Variants in SYTL3 observed in about 807,000 individuals in gnomAD.
The protein encoded by SYTL3 is synaptotagmin-like protein 3.
SYTL3 carries 88 observed loss-of-function variants against 82.1 expected under a neutral mutation model. The ratio of observed to expected loss-of-function variants is 1.07; its 90% confidence interval spans 0.90 to 1.28. The LOEUF (loss-of-function observed/expected upper bound fraction) is 1.28, where lower values mean the gene tolerates loss of function less well. SYTL3 is among the 50% of genes most tolerant of loss of function. The pLI is 0.00. For synonymous variants in SYTL3, 311 were observed against 289.4 expected, an observed-to-expected ratio of 1.07 and a Z score of -0.76; for missense variants, 831 against 757.6, an observed-to-expected ratio of 1.10 and a Z score of -1.14.
intron 14 of SYTL3, 139 bp downstream of exon 14, chr6:158,757,520 C>T: frequency 1.1e-6 from 1 of 915,042 alleles, no homozygotes; most frequent in Admixed American, 2.7e-5. Flanking sequence ...GGCGCTGTGA[C>T]TTTGAAATAG....
intron 13 of SYTL3, among the ~76,000 whole-genome samples, chr6:158,753,031 C>T (rs1342811396): frequency 6.6e-6 from 1 of 150,758 alleles, no homozygotes; most frequent in Non-Finnish European, 1.5e-5. Flanking sequence ...AATTTGTGTG[C>T]GTAAAATCCC....
intron 5 of SYTL3, among the ~76,000 whole-genome samples, chr6:158,673,218 A>G (rs1777601001): frequency 6.6e-6 from 1 of 151,612 alleles, no homozygotes; most frequent in South Asian, 2.1e-4. Flanking sequence ...GTGAGCCACC[A>G]TGCCCAGTTA....
intron 7 of SYTL3, among the ~76,000 whole-genome samples, chr6:158,707,986 G>C (rs1247237061): frequency 6.6e-6 from 1 of 152,176 alleles, no homozygotes; most frequent in East Asian, 1.9e-4. Context: ...TTTGTGCTAA[G>C]AGAACACGGG....
upstream of SYTL3, among the ~76,000 whole-genome samples, chr6:158,648,651 TC>T (rs1390093678): frequency 2.0e-5 from 3 of 151,712 alleles, no homozygotes; most frequent in Admixed American, 6.6e-5. Flanking sequence ...TCTGCTATAA[TC>T]TGCAGCCCTT....
intron 6 of SYTL3, among the ~76,000 whole-genome samples, chr6:158,687,202 G>T (rs1157832874): frequency 6.6e-6 from 1 of 152,204 alleles, no homozygotes; most frequent in Non-Finnish European, 1.5e-5. Flanking sequence ...TGTCTTCAGT[G>T]GAAGGCTCGC....
At chr6:158,728,696 T>G (rs1363783302) in intron 11 of SYTL3, among the ~76,000 whole-genome samples, 1 of 152,164 alleles carries the variant, frequency 6.6e-6, no homozygotes, top group African/African-American at 2.4e-5. Flanking sequence ...ATCCCAGCAC[T>G]TTGGGAGGCC....
Position 158,693,855 on chromosome 6 carries a change from C to CTTTTTTTTTT in SYTL3, c.394+10875_394+10884dup, listed in dbSNP as rs575358067. Among the ~76,000 whole-genome samples the CTTTTTTTTTT allele has an allele frequency of 4.1e-3, 394 of 96,784 alleles. 32 individuals carry two copies. Among genetic ancestry groups the CTTTTTTTTTT allele is most frequent in the African/African-American group, 0.02 (372 of 18,548 alleles). 63.5% of individuals were successfully genotyped at this position (96,784 alleles called of 152,430 possible). A position where few individuals can be genotyped will look rare whatever the true frequency, so the allele number is the denominator to read the frequency against. On this transcript the variant is annotated intron_variant, in intron 6 of 17. Transcript: ENST00000611299. The stretch of plus-strand genomic sequence containing the variant: ...TGCATCCAGCCTTTCTTTTTCTTTT[C>CTTTTTTTTTT]TTTTTTTTTTTTTTTTTTGTAGATA...
intron 6 of SYTL3, among the ~76,000 whole-genome samples, chr6:158,695,781 G>T (rs1439632840): frequency 1.3e-5 from 2 of 152,076 alleles, no homozygotes; most frequent in African/African-American, 2.4e-5. Context: ...TAATGTATTT[G>T]TTCTTTTGTA....
intron 6 of SYTL3, among the ~76,000 whole-genome samples, chr6:158,702,890 C>T (rs1330101899): frequency 6.6e-6 from 1 of 152,088 alleles, no homozygotes; most frequent in Admixed American, 6.6e-5. Context: ...CACAGTGGCT[C>T]ACGCCTGTAA....
chr6:158,691,914 G>A (rs1779919137), intron 6 of SYTL3, among the ~76,000 whole-genome samples: 1 of 148,304 alleles, frequency 6.7e-6, no homozygotes, highest in Non-Finnish European at 1.5e-5. Context: ...GCCTCCCAAA[G>A]TGCTGGGATT....
intron 10 of SYTL3, among the ~76,000 whole-genome samples, chr6:158,719,972 C>T (rs1469301717): frequency 6.6e-6 from 1 of 152,050 alleles, no homozygotes; most frequent in African/African-American, 2.4e-5. Context: ...GTCTATAATC[C>T]CAGCTACTAG....
In SYTL3 at chr6:158,714,150, C is replaced by T. The variant is rs527862083; in HGVS notation, c.595+272C>T. ...GGTGGATCACTTGAGGTCAGGAGTT[C>T]GAGACCATCTGGCCAACATGGTGAA... On this transcript the variant is annotated intron_variant, in intron 9 of 17. Coordinates refer to ENST00000611299, the MANE Select transcript of SYTL3 (RefSeq NM_001242394.2). 2.8e-4 allele frequency among the ~76,000 whole-genome samples: 42 copies of T among 152,234 alleles called. 1 individual carries two copies. In the South Asian group the frequency reaches 7.5e-3, roughly 27 times the overall value.
intron 2 of SYTL3, among the ~76,000 whole-genome samples, chr6:158,654,686 T>A: frequency 6.6e-6 from 1 of 152,300 alleles, no homozygotes; most frequent in African/African-American, 2.4e-5. Context: ...GATGGCTCCA[T>A]GTCACGGAGG....
chr6:158,752,974 G>A (rs1430995182), intron 13 of SYTL3, among the ~76,000 whole-genome samples: 1 of 151,834 alleles, frequency 6.6e-6, no homozygotes, highest in Non-Finnish European at 1.5e-5. Context: ...GACCTAGAGA[G>A]TCCTTAGAAA....
chr6:158,719,760 T>C (rs1783850351), intron 10 of SYTL3, among the ~76,000 whole-genome samples: 1 of 152,162 alleles, frequency 6.6e-6, no homozygotes, highest in Non-Finnish European at 1.5e-5. Context: ...CACATTTAAT[T>C]CTCACAAAAA....
chr6:158,688,945 CTAA>C (rs1345463572), intron 6 of SYTL3, among the ~76,000 whole-genome samples: 2 of 152,132 alleles, frequency 1.3e-5, no homozygotes, highest in African/African-American at 2.4e-5. Flanking sequence ...CAGTTTTATC[CTAA>C]TGTTTCTTCA....
chr6:158,725,542 G>C lies in SYTL3; in HGVS notation c.760G>C (p.Glu254Gln). 2 of 1,614,144 alleles carry C rather than the reference G, an allele frequency of 1.2e-6. No individual in the cohort carries two copies. Among genetic ancestry groups the C allele is most frequent in the Middle Eastern group, 1.6e-4 (1 of 6,062 alleles). ...APDILKPLNQEDPKCSTNPIL... is the reference protein window; with the variant it reads ...APDILKPLNQQDPKCSTNPIL... ...AGATATTCTGAAACCTCTCAATCAA[G>C]AGGATCCCAAATGCTCTACTAACCC... is the stretch of plus-strand genomic sequence containing the variant. Residue 254 changes from glutamate (E) to glutamine (Q), a missense_variant, in exon 11 of 18, where the codon GAG (glutamate) becomes CAG (glutamine). Coordinates refer to ENST00000611299, the MANE Select transcript of SYTL3 (RefSeq NM_001242394.2).
intron 6 of SYTL3, among the ~76,000 whole-genome samples, chr6:158,700,507 G>A (rs1164072219): frequency 6.6e-6 from 1 of 152,132 alleles, no homozygotes; most frequent in Non-Finnish European, 1.5e-5. Flanking sequence ...GCTAAATTGT[G>A]CAAAACCAAT....
At chr6:158,702,077 A>G (rs1291698587) in intron 6 of SYTL3, among the ~76,000 whole-genome samples, 8 of 151,924 alleles carry the variant, frequency 5.3e-5, no homozygotes, top group African/African-American at 1.2e-4. Context: ...GGCTCAAGCT[A>G]TCCTCCCACC....
Sources: allele counts gnomAD v4.1 joint callset (sites outside exome capture counted in the v4.1 genomes callset), GRCh38; gene constraint gnomAD v4.1.1; transcripts MANE v1.5; gene names NCBI Gene and HGNC (gene_info 2026-07-23, HGNC 2026-07-21).